Variants in MTERF4 observed in about 807,000 individuals in gnomAD.
MTERF4 encodes the protein transcription termination factor 4, mitochondrial.
MTERF4 carries 17 observed loss-of-function variants against 22.5 expected under a neutral mutation model. The ratio of observed to expected loss-of-function variants is 0.75; its 90% confidence interval spans 0.52 to 1.13. MTERF4 has a LOEUF of 1.13. MTERF4 is among the 50% of genes most tolerant of loss of function. MTERF4 has a pLI of 0.00. For synonymous variants in MTERF4, 165 were observed against 175.3 expected, an observed-to-expected ratio of 0.94 and a Z score of 0.47; for missense variants, 420 against 466.8, an observed-to-expected ratio of 0.90 and a Z score of 0.92.
rs114751344 is a variant in MTERF4, at chr2:241,096,105, C to A, written c.1039G>T (p.Asp347Tyr). 8.1e-6 allele frequency: 13 copies of A among 1,613,510 alleles called. No individual in the cohort carries two copies. The highest frequency in any genetic ancestry group is 1.0e-5 in the Non-Finnish European group (12 of 1,179,736). Residue 347 changes from aspartate to tyrosine, a missense_variant, in exon 4 of 4, where the codon GAT becomes TAT. Coordinates refer to ENST00000391980, the MANE Select transcript of MTERF4 (RefSeq NM_182501.4). The surrounding 1 kb of genome is among the most constrained non-coding windows in gnomAD (Gnocchi z 5.1). ...ASLDEDEDDD[D>Y]EEDNDEDDND... ...TCATCCTCATCATTGTCCTCCTCATCATCGTCATCCTCATCCTCATCCAGA... is the reference window on the plus strand; with the variant it reads ...TCATCCTCATCATTGTCCTCCTCATAATCGTCATCCTCATCCTCATCCAGA...
downstream of MTERF4, among the ~76,000 whole-genome samples, chr2:241,084,352 C>T (rs113069049): frequency 8.7e-3 from 1,329 of 152,152 alleles, 22 homozygotes; most frequent in African/African-American, 0.031. Context: ...CAGGGTTTCA[C>T]CATGTTGGCC....
At chr2:241,100,335 T>A (rs544546957) in intron 1 of MTERF4, among the ~76,000 whole-genome samples, 10 of 152,220 alleles carry the variant, frequency 6.6e-5, no homozygotes, top group Admixed American at 1.3e-4. Flanking sequence ...CACTTATATG[T>A]GGATTTTCTT....
chr2:241,052,485 G>GGTCAAGCAGGGTAC, the MTERF4 span: 102 of 1,566,182 alleles, frequency 6.5e-5, 3 homozygotes, highest in Admixed American at 6.3e-4. Flanking sequence ...GGGTCAGGGG[G>GGTCAAGCAGGGTAC]ATCAAGCAGG....
rs974550616 is a variant in MTERF4 at position 241,095,835 on chromosome 2, A to C, written c.*163T>G. On this transcript the variant is annotated 3_prime_UTR_variant, in exon 4 of 4. Transcript: ENST00000391980. ...CATTTCCTGTTTCCTGTTTGGTTTG[A>C]TCTGTCTGCCTCTCAGGTGACTTAT... 1 of 1,321,482 alleles carries C rather than the reference A, an allele frequency of 7.6e-7. No homozygotes were observed. The highest frequency in any genetic ancestry group is 1.5e-5 in the African/African-American group (1 of 67,874). The allele number at this position is 1,321,482 out of a possible 1,614,324, so 81.9% of individuals were successfully genotyped here.
chr2:241,049,387 T>A, the MTERF4 span, among the ~76,000 whole-genome samples: 2 of 152,214 alleles, frequency 1.3e-5, no homozygotes, highest in South Asian at 4.1e-4. Context: ...GTATCTTACC[T>A]AAGCCCCAAC....
At chr2:241,065,224 C>A in the MTERF4 span, 3 of 1,498,248 alleles carry the variant, frequency 2.0e-6, no homozygotes, top group Non-Finnish European at 2.7e-6. Flanking sequence ...CCCGGCTGAG[C>A]CGCCGACGGG....
downstream of MTERF4, chr2:241,072,035 T>A (rs1409687634): frequency 2.7e-6 from 2 of 742,048 alleles, no homozygotes; most frequent in Admixed American, 2.0e-5. Flanking sequence ...GGCGCGGGGC[T>A]CGTGGGCCGC....
chr2:241,089,187 CCAT>C, downstream of MTERF4: 1 of 1,068,066 alleles, frequency 9.4e-7, no homozygotes, highest in Non-Finnish European at 1.3e-6. Context: ...TTCATACTGA[CCAT>C]CATTTTTTAT....
chr2:241,052,146 A>G, the MTERF4 span: 1 of 1,613,512 alleles, frequency 6.2e-7, no homozygotes, highest in Non-Finnish European at 8.5e-7. Context: ...TCCGGGCGGC[A>G]CTGCGAGATA....
chr2:241,070,092 G>A (rs202135455), downstream of MTERF4: 428 of 1,613,048 alleles, frequency 2.7e-4, 1 homozygote, highest in Non-Finnish European at 2.9e-4. Flanking sequence ...CGTCCTACAC[G>A]GTGCGCGACC....
the MTERF4 span, among the ~76,000 whole-genome samples, chr2:241,062,015 CTCT>C: frequency 6.6e-6 from 1 of 152,274 alleles, no homozygotes; most frequent in Admixed American, 6.5e-5. Flanking sequence ...GTGTGGAGTT[CTCT>C]TCTTCATATA....
At chr2:241,049,780 G>A in the MTERF4 span, 7 of 1,540,090 alleles carry the variant, frequency 4.5e-6, no homozygotes, top group South Asian at 3.4e-5. Context: ...CAGATGCGGC[G>A]TAAGCTCCAG....
Position 241,097,155 on chromosome 2 carries a change from C to T in MTERF4, c.705+88G>A, listed in dbSNP as rs763703225. ...TGCTGTTACTACACTAATCACGGTACCAGTCATTCTCACCTGAAACTACGC... is the reference window on the plus strand; with the variant it reads ...TGCTGTTACTACACTAATCACGGTATCAGTCATTCTCACCTGAAACTACGC... On this transcript the variant is annotated intron_variant, in intron 3 of 3. Transcript: ENST00000391980. 118 of 1,470,810 alleles carry T rather than the reference C, an allele frequency of 8.0e-5. 4 individuals carry two copies. In the South Asian group the frequency reaches 1.3e-3, roughly 17 times the overall value. 91.1% of individuals were successfully genotyped at this position (1,470,810 alleles called of 1,614,324 possible). A position where few individuals can be genotyped will look rare whatever the true frequency, so the allele number is the denominator to read the frequency against.
chr2:241,102,099 C>T (rs1223436189), intron 1 of MTERF4, 154 bp downstream of exon 1: 2 of 970,616 alleles, frequency 2.1e-6, no homozygotes, highest in Non-Finnish European at 1.6e-6. Context: ...TGAGCAGAGC[C>T]ACGGGTCCAG....
exon 5 of MTERF4, chr2:241,072,578 A>G: frequency 3.7e-6 from 1 of 266,908 alleles, no homozygotes; most frequent in Non-Finnish European, 7.2e-6. Context: ...AAAACTCCTC[A>G]GGCAGAGGAG....
At chr2:241,046,323 A>G in the MTERF4 span, among the ~76,000 whole-genome samples, 1 of 152,204 alleles carries the variant, frequency 6.6e-6, no homozygotes, top group Non-Finnish European at 1.5e-5. Context: ...TAAAGAGATG[A>G]AAACTTATGT....
downstream of MTERF4, chr2:241,072,106 G>C (rs2062757975): frequency 1.4e-6 from 1 of 699,304 alleles, no homozygotes; most frequent in Non-Finnish European, 2.6e-6. Flanking sequence ...TCAGTGTGTG[G>C]GCTGGAGGCG....
chr2:241,099,500 T>C lies in MTERF4; in HGVS notation c.416A>G (p.Glu139Gly). 6.2e-7 allele frequency: 1 copy of C among 1,614,188 alleles called. No individual in the cohort carries two copies. Among genetic ancestry groups the C allele is most frequent in the South Asian group, 1.1e-5 (1 of 91,080 alleles). Reference protein sequence around the residue: ...SEFILLGLNPEPVCVVLKKSP... With the variant: ...SEFILLGLNPGPVCVVLKKSP... ...TTTCTTCAAGACCACACACACAGGCTCTGGATTCAGACCCAAGAGAATAAA... is the reference window on the plus strand; with the variant it reads ...TTTCTTCAAGACCACACACACAGGCCCTGGATTCAGACCCAAGAGAATAAA... Residue 139 changes from glutamate to glycine, a missense_variant, in exon 2 of 4, where the codon GAG (glutamate) becomes GGG (glycine). Coordinates refer to ENST00000391980, the MANE Select transcript of MTERF4 (RefSeq NM_182501.4).
In MTERF4 at chr2:241,096,078, TG is replaced by T; in HGVS notation, c.1065del (p.Asp355GlufsTer56). Reference protein sequence around the residue: ...DDDEEDNDEDDNDEDDDDEDD... With the variant: ...DDDEEDNDEDXNDEDDDDEDD... ...TCCTCATCATCGTCATCCTCATCAT[TG>T]TCATCCTCATCATTGTCCTCCTCAT... On this transcript the variant is annotated frameshift_variant, in exon 4 of 4. Transcript: ENST00000391980. LOFTEE classifies it high-confidence loss of function. The surrounding 1 kb of genome is among the most constrained non-coding windows in gnomAD (Gnocchi z 5.1). 6.2e-7 allele frequency: 1 copy of T among 1,602,616 alleles called. No individual in the cohort carries two copies. The highest frequency in any genetic ancestry group is 8.5e-7 in the Non-Finnish European group (1 of 1,178,684).
Sources: allele counts gnomAD v4.1 joint callset (sites outside exome capture counted in the v4.1 genomes callset), GRCh38; gene constraint gnomAD v4.1.1; non-coding constraint Gnocchi (gnomAD v3.1); transcripts MANE v1.5; gene names NCBI Gene and HGNC (gene_info 2026-07-23, HGNC 2026-07-21).